Variants in INPP5A observed in about 807,000 individuals in gnomAD.
INPP5A encodes 43 kDa inositol polyphosphate 5-phophatase.
A neutral mutation model predicts 65.2 loss-of-function variants in INPP5A; 14 were observed. That is an observed-to-expected ratio of 0.21 (90% confidence interval 0.14 to 0.34). INPP5A has a LOEUF of 0.34. INPP5A is among the 10% of genes least tolerant of loss of function. The pLI is 1.00. For missense variants in INPP5A, 431 were observed against 545.6 expected, an observed-to-expected ratio of 0.79 and a Z score of 2.09; for synonymous variants, 207 against 208.3, an observed-to-expected ratio of 0.99 and a Z score of 0.05.
chr10:132,702,543 T>C (rs561674127), intron 6 of INPP5A, among the ~76,000 whole-genome samples: 154 of 152,336 alleles, frequency 1.0e-3, no homozygotes, highest in African/African-American at 3.5e-3. Flanking sequence ...TGTTGACGGT[T>C]ATCGCAAATT....
rs1388744206 is a variant in INPP5A, at chr10:132,603,166, G to A, written c.76-4749G>A. Reference sequence around the variant, plus strand: ...CTCTGCCTTCCGAAGCTACAAAGGGGAAGAGTTGGGCCTTCTGGGCGGCTG... The same window carrying A: ...CTCTGCCTTCCGAAGCTACAAAGGGAAAGAGTTGGGCCTTCTGGGCGGCTG... On this transcript the variant is annotated intron_variant, in intron 1 of 15. Coordinates refer to ENST00000368594, the MANE Select transcript of INPP5A (RefSeq NM_005539.5). This position sits in a 1 kb window ranked among gnomAD's most constrained non-coding sequence, Gnocchi z 4.2. Among the ~76,000 whole-genome samples, 1 of 152,198 alleles carries A rather than the reference G, an allele frequency of 6.6e-6. No individual in the cohort carries two copies. Among genetic ancestry groups the A allele is most frequent in the Non-Finnish European group, 1.5e-5 (1 of 68,038 alleles).
chr10:132,600,747 A>T (rs2071765363), intron 1 of INPP5A, among the ~76,000 whole-genome samples: 1 of 152,246 alleles, frequency 6.6e-6, no homozygotes. Context: ...CAGAATCATG[A>T]CAGGAGACAA....
At chr10:132,542,240 G>T (rs551063493) in intron 1 of INPP5A, among the ~76,000 whole-genome samples, 2 of 152,220 alleles carry the variant, frequency 1.3e-5, no homozygotes, top group Admixed American at 6.5e-5. Flanking sequence ...GTCAGCTCCC[G>T]GGCAGCCCTG....
rs1459105636 is a variant in INPP5A at position 132,575,321 on chromosome 10, T to C, written c.76-32594T>C. Among the ~76,000 whole-genome samples, 1 of 152,140 alleles carries C rather than the reference T, an allele frequency of 6.6e-6. No homozygotes were observed. Among genetic ancestry groups the C allele is most frequent in the Admixed American group, 6.5e-5 (1 of 15,278 alleles). ...GAGGGATTGGTCCTCTTACCTGATG[T>C]GTAGCTCCCAGAAAGGCTTGTGCAG... On this transcript the variant is annotated intron_variant, in intron 1 of 15. Coordinates refer to ENST00000368594, the MANE Select transcript of INPP5A (RefSeq NM_005539.5). This position sits in a 1 kb window ranked among gnomAD's most constrained non-coding sequence, Gnocchi z 5.4.
intron 9 of INPP5A, among the ~76,000 whole-genome samples, chr10:132,740,882 G>A (rs756965715): frequency 9.2e-5 from 14 of 152,132 alleles, no homozygotes; most frequent in Non-Finnish European, 1.3e-4. Flanking sequence ...CTTCTCTGAC[G>A]TCACAGTGAT....
In INPP5A at chr10:132,707,270, C is replaced by T. The variant is rs1327442003; in HGVS notation, c.475-1043C>T. ...CCCTGTCCACCTCCGCCCCCGATGGCGCCAGGCATATGGCTGCTGCTGGGA... is the reference window on the plus strand; with the variant it reads ...CCCTGTCCACCTCCGCCCCCGATGGTGCCAGGCATATGGCTGCTGCTGGGA... On this transcript the variant is annotated intron_variant, in intron 6 of 15. Coordinates refer to ENST00000368594, the MANE Select transcript of INPP5A (RefSeq NM_005539.5). This position sits in a 1 kb window ranked among gnomAD's most constrained non-coding sequence, Gnocchi z 5.5. Among the ~76,000 whole-genome samples the T allele has an allele frequency of 5.3e-5, 8 of 152,194 alleles. No homozygotes were observed. The highest frequency in any genetic ancestry group is 1.2e-4 in the Non-Finnish European group (8 of 68,042).
At chr10:132,645,428 G>C (rs904305134) in intron 2 of INPP5A, among the ~76,000 whole-genome samples, 1 of 152,238 alleles carries the variant, frequency 6.6e-6, no homozygotes, top group East Asian at 1.9e-4. Context: ...ACGCGTGCTG[G>C]TACGTGCTCC....
chr10:132,705,486 G>T lies in INPP5A; in HGVS notation c.475-2827G>T, dbSNP rs1237892515. 6.6e-6 allele frequency among the ~76,000 whole-genome samples: 1 copy of T among 152,238 alleles called. No homozygotes were observed. The highest frequency in any genetic ancestry group is 6.5e-5 in the Admixed American group (1 of 15,290). On this transcript the variant is annotated intron_variant, in intron 6 of 15. Transcript: ENST00000368594. This position sits in a 1 kb window ranked among gnomAD's most constrained non-coding sequence, Gnocchi z 4.9. ...AGCAGGGGATGTGGGCTCAGTACCAGAGCCAGCTCGTGGTGTGAGGACGGA... is the reference window on the plus strand; with the variant it reads ...AGCAGGGGATGTGGGCTCAGTACCATAGCCAGCTCGTGGTGTGAGGACGGA...
At chr10:132,646,530 G>C (rs1324206046) in intron 3 of INPP5A, among the ~76,000 whole-genome samples, 1 of 152,200 alleles carries the variant, frequency 6.6e-6, no homozygotes, top group Non-Finnish European at 1.5e-5. Flanking sequence ...AGGCAGGCTT[G>C]TGTTCAGACA....
chr10:132,585,053 C>T (rs1305763641), intron 1 of INPP5A, among the ~76,000 whole-genome samples: 1 of 152,170 alleles, frequency 6.6e-6, no homozygotes, highest in African/African-American at 2.4e-5. Flanking sequence ...CCTTCAGGGG[C>T]TTCTAGAAGG....
intron 1 of INPP5A, among the ~76,000 whole-genome samples, chr10:132,561,866 A>G (rs1046475138): frequency 1.3e-5 from 2 of 152,050 alleles, no homozygotes; most frequent in African/African-American, 2.4e-5. Context: ...GTTCTTACTT[A>G]ATAGGGGTTG....
intron 12 of INPP5A, among the ~76,000 whole-genome samples, chr10:132,770,594 C>T (rs1470506297): frequency 1.3e-5 from 2 of 152,288 alleles, no homozygotes; most frequent in Non-Finnish European, 2.9e-5. Context: ...GGCCTGGCCA[C>T]TTCCCTCTTC....
At chr10:132,712,344 C>A (rs1391144655) in intron 8 of INPP5A, among the ~76,000 whole-genome samples, 1 of 151,284 alleles carries the variant, frequency 6.6e-6, no homozygotes, top group African/African-American at 2.4e-5. Flanking sequence ...GGTGTGCGCA[C>A]ATCTGCGTGT....
At chr10:132,709,988 C>T (rs1845606424) in intron 7 of INPP5A, among the ~76,000 whole-genome samples, 2 of 152,276 alleles carry the variant, frequency 1.3e-5, no homozygotes. Context: ...GTGCAGCCGG[C>T]AGCCCTGAGC....
At chr10:132,541,414 A>G (rs761395251) in intron 1 of INPP5A, among the ~76,000 whole-genome samples, 8 of 152,194 alleles carry the variant, frequency 5.3e-5, no homozygotes, top group Non-Finnish European at 1.2e-4. Flanking sequence ...CAGATTGGCC[A>G]TGCTGCGGGC....
At position 132,575,917 on chromosome 10, in the gene INPP5A, G is replaced by A. The variant is rs1306214220; in HGVS notation, c.76-31998G>A. Among the ~76,000 whole-genome samples, 1 of 152,158 alleles carries A rather than the reference G, an allele frequency of 6.6e-6. No homozygotes were observed. The highest frequency in any genetic ancestry group is 2.4e-5 in the African/African-American group (1 of 41,428). On this transcript the variant is annotated intron_variant, in intron 1 of 15. Transcript: ENST00000368594. The surrounding 1 kb of genome is among the most constrained non-coding windows in gnomAD (Gnocchi z 5.4). ...TGATGCCACTGACATCGCGGCTCTT[G>A]TGGACTGTGGAGCTGGTGGCTCCCC...
rs1847201175 is a variant in INPP5A, at chr10:132,783,347, C to CG, written c.*1319dup. ...TCTTGGTGGAAGCACAGGTCCGTGTCGCTGCTGTGGTTGCCGCTGTCCGCG... is the reference window on the plus strand; with the variant it reads ...TCTTGGTGGAAGCACAGGTCCGTGTCGGCTGCTGTGGTTGCCGCTGTCCGCG... On this transcript the variant is annotated 3_prime_UTR_variant, in exon 16 of 16. Transcript: ENST00000368594. 6.6e-6 allele frequency: 1 copy of CG among 152,358 alleles called. No individual in the cohort carries two copies. Among genetic ancestry groups the CG allele is most frequent in the Admixed American group, 6.5e-5 (1 of 15,286 alleles). 9.4% of individuals were successfully genotyped at this position (152,358 alleles called of 1,614,324 possible). A position where few individuals can be genotyped will look rare whatever the true frequency, so the allele number is the denominator to read the frequency against.
At chr10:132,556,622 C>G (rs1381813307) in intron 1 of INPP5A, among the ~76,000 whole-genome samples, 6 of 152,262 alleles carry the variant, frequency 3.9e-5, no homozygotes, top group Admixed American at 3.9e-4. Context: ...TCATCACACA[C>G]TCCCACCAGG....
chr10:132,751,239 C>T (rs954291468), intron 11 of INPP5A, among the ~76,000 whole-genome samples: 4 of 152,248 alleles, frequency 2.6e-5, no homozygotes, highest in African/African-American at 2.4e-5. Context: ...GCCTGGGCCT[C>T]CTGTGCCCGT....
Sources: gnomAD v4.1 joint callset for allele counts (sites outside exome capture counted in the v4.1 genomes callset) on GRCh38, gnomAD v4.1.1 for gene constraint, Gnocchi (gnomAD v3.1) non-coding constraint, MANE v1.5 for transcripts, NCBI Gene and HGNC (gene_info 2026-07-23, HGNC 2026-07-21) for gene names.